Variants in PLEKHH2 observed in about 807,000 individuals in gnomAD.
PLEKHH2 encodes the protein pleckstrin homology domain-containing family H member 2.
In PLEKHH2, 129 loss-of-function variants were observed where a neutral mutation model predicts 187.9. The ratio of observed to expected loss-of-function variants is 0.69; its 90% CI spans 0.59 to 0.79. The LOEUF (loss-of-function observed/expected upper bound fraction) is 0.79, where lower values mean the gene tolerates loss of function less well. Ranked by LOEUF, PLEKHH2 falls within the 30% of genes least tolerant of loss-of-function variation. The pLI is 0.00. For synonymous variants in PLEKHH2, 686 were observed against 605.6 expected (o/e 1.13, Z -1.95); for missense variants, 2,076 against 1,751.2 (o/e 1.19, Z -3.31).
intron 2 of PLEKHH2, among the ~76,000 whole-genome samples, chr2:43,674,172 A>C (rs962510606): frequency 6.6e-6 from 1 of 152,192 alleles, no homozygotes; most frequent in African/African-American, 2.4e-5. Flanking sequence ...TCCTGTTATC[A>C]CTAGAAACTA....
At chr2:43,710,390 G>A in intron 13 of PLEKHH2, 60 bp downstream of exon 13, 4 of 1,588,072 alleles carry the variant, frequency 2.5e-6, no homozygotes, top group South Asian at 2.3e-5. Context: ...TCAGACGCCT[G>A]ATTGATTTCC....
At chr2:43,746,487 C>T (rs1301566757) in intron 24 of PLEKHH2, among the ~76,000 whole-genome samples, 1 of 152,102 alleles carries the variant, frequency 6.6e-6, no homozygotes, top group Non-Finnish European at 1.5e-5. Flanking sequence ...CTCTACACTC[C>T]AGCCTGGGCA....
At chr2:43,753,963 A>G (rs1672103116) in intron 25 of PLEKHH2, among the ~76,000 whole-genome samples, 1 of 152,202 alleles carries the variant, frequency 6.6e-6, no homozygotes, top group Admixed American at 6.5e-5. Context: ...ACAGTATTCC[A>G]TAAAGAGAAC....
intron 6 of PLEKHH2, among the ~76,000 whole-genome samples, chr2:43,696,671 G>A (rs1256349896): frequency 6.6e-6 from 1 of 151,654 alleles, no homozygotes; most frequent in East Asian, 1.9e-4. Context: ...TTTTCTCATG[G>A]CTGAAAACTA....
At chr2:43,706,916 G>A (rs1234717855) in intron 10 of PLEKHH2, among the ~76,000 whole-genome samples, 1 of 152,118 alleles carries the variant, frequency 6.6e-6, no homozygotes, top group Non-Finnish European at 1.5e-5. Context: ...ATCATATGCT[G>A]GCTGGGCACG....
chr2:43,678,753 G>T, intron 2 of PLEKHH2, 110 bp from the exon 3 acceptor site: 1 of 699,988 alleles, frequency 1.4e-6, no homozygotes, highest in East Asian at 2.6e-5. Context: ...GGTGGAGGTG[G>T]AGGTGGAGGT....
intron 2 of PLEKHH2, among the ~76,000 whole-genome samples, chr2:43,676,823 G>C (rs1667824120): frequency 1.3e-5 from 2 of 152,084 alleles, no homozygotes; most frequent in Non-Finnish European, 2.9e-5. Context: ...CTCTCCATCA[G>C]TCTGTAAGAA....
intron 15 of PLEKHH2, among the ~76,000 whole-genome samples, chr2:43,716,834 A>G (rs558173933): frequency 1.3e-5 from 2 of 152,366 alleles, no homozygotes; most frequent in East Asian, 3.9e-4. Flanking sequence ...GCCCTCATAT[A>G]TTCATCATCT....
intron 24 of PLEKHH2, among the ~76,000 whole-genome samples, chr2:43,753,314 G>A (rs1456000885): frequency 6.6e-6 from 1 of 151,948 alleles, no homozygotes; most frequent in Non-Finnish European, 1.5e-5. Flanking sequence ...CCATATAGTT[G>A]GGTTTTATAT....
intron 21 of PLEKHH2, 180 bp downstream of exon 21, chr2:43,741,223 A>C: frequency 2.1e-6 from 1 of 474,004 alleles, no homozygotes; most frequent in Non-Finnish European, 3.6e-6. Flanking sequence ...TTGTTATGTT[A>C]AATCTCTTAG....
chr2:43,644,886 T>G, intron 2 of PLEKHH2, 90 bp downstream of exon 2: 1 of 1,339,220 alleles, frequency 7.5e-7, no homozygotes, highest in Non-Finnish European at 1.0e-6. Flanking sequence ...TTTGGGGGTT[T>G]GATTTAATTT....
At chr2:43,647,757 C>T (rs1009873816) in intron 2 of PLEKHH2, among the ~76,000 whole-genome samples, 3 of 152,116 alleles carry the variant, frequency 2.0e-5, no homozygotes, top group Non-Finnish European at 4.4e-5. Context: ...TATACCTTCC[C>T]CCTAAATGGA....
chr2:43,642,484 C>T (rs1247858228), intron 1 of PLEKHH2, among the ~76,000 whole-genome samples: 1 of 152,070 alleles, frequency 6.6e-6, no homozygotes, highest in Admixed American at 6.6e-5. Context: ...TGGCTATTAT[C>T]TCTATTACAG....
Position 43,731,725 on chromosome 2 carries a change from G to A in PLEKHH2, c.2943+123G>A, listed in dbSNP as rs1211569581. ...ATTTTACTCCAAGAAAATTCAAAAT[G>A]TGTTTATTATTAAGAATATCATTGA... On this transcript the variant is annotated intron_variant, in intron 19 of 29. Transcript: ENST00000282406. 5 of 612,900 alleles carry A rather than the reference G, an allele frequency of 8.2e-6. No individual in the cohort carries two copies. The East Asian group carries it at 1.5e-4, about 18-fold the overall frequency. 38.0% of individuals were successfully genotyped at this position (612,900 alleles called of 1,614,324 possible). A position where few individuals can be genotyped will look rare whatever the true frequency, so the allele number is the denominator to read the frequency against.
At position 43,726,315 on chromosome 2, in the gene PLEKHH2, A is replaced by C. The variant is rs541353171; in HGVS notation, c.2585A>C (p.Glu862Ala). The C allele has an allele frequency of 5.0e-4, 808 of 1,612,452 alleles. 5 individuals carry two copies. The Admixed American group carries it at 0.012, about 25-fold the overall frequency. Reference sequence around the variant, plus strand: ...AAACTCTGGGAGGCTAAAGTGGAAGAGGTTGACAGATCTTGTGATTCAGAT... The same window carrying C: ...AAACTCTGGGAGGCTAAAGTGGAAGCGGTTGACAGATCTTGTGATTCAGAT... ...QIKLWEAKVE[E>A]VDRSCDSDED... Residue 862 changes from glutamate (E) to alanine (A), a missense_variant, in exon 17 of 30, where the codon GAG becomes GCG. Transcript: ENST00000282406.
intron 16 of PLEKHH2, among the ~76,000 whole-genome samples, chr2:43,724,118 G>A (rs910640433): frequency 3.1e-5 from 3 of 97,144 alleles, no homozygotes; most frequent in Non-Finnish European, 7.0e-5. Flanking sequence ...GGGCAGAGCA[G>A]GTTGTCAAGG....
intron 3 of PLEKHH2, chr2:43,680,904 C>T (rs1668141231): frequency 3.3e-6 from 2 of 611,318 alleles, no homozygotes; most frequent in East Asian, 6.8e-5. Flanking sequence ...TCTGTTTCTG[C>T]CTGGTTGAAA....
chr2:43,754,473 T>G (rs1672134022), intron 25 of PLEKHH2, among the ~76,000 whole-genome samples: 1 of 152,162 alleles, frequency 6.6e-6, no homozygotes, highest in Non-Finnish European at 1.5e-5. Flanking sequence ...ATAGAACGCC[T>G]CCATTCATGT....
chr2:43,747,678 A>T (rs1671837042), intron 24 of PLEKHH2, among the ~76,000 whole-genome samples: 1 of 152,188 alleles, frequency 6.6e-6, no homozygotes, highest in Non-Finnish European at 1.5e-5. Flanking sequence ...AGCTCACATT[A>T]ATTATAACAA....
Sources: gnomAD v4.1 joint callset for allele counts (sites outside exome capture counted in the v4.1 genomes callset) on GRCh38, gnomAD v4.1.1 for gene constraint, MANE v1.5 for transcripts, NCBI Gene and HGNC (gene_info 2026-07-23, HGNC 2026-07-21) for gene names.